U2SURP: variants seen among roughly 807,000 people sequenced by gnomAD.
The protein encoded by U2SURP is U2 snRNP associated SURP domain containing.
U2SURP carries 9 observed loss-of-function variants against 144.9 expected under a neutral mutation model. The observed-to-expected ratio is 0.06, with a 90% CI of 0.04 to 0.11. U2SURP has a LOEUF of 0.11. U2SURP is among the 10% of genes least tolerant of loss of function. The probability of loss-of-function intolerance (pLI) is 1.00; values close to 1 mark genes in which losing one functional copy is unlikely to be tolerated. For synonymous variants in U2SURP, 408 were observed against 396.8 expected (o/e 1.03, Z -0.33); for missense variants, 724 against 1,226.7 (o/e 0.59, Z 6.12).
intron 24 of U2SURP, 84 bp downstream of exon 24, chr3:143,043,360 C>G (rs1370737122): frequency 2.9e-6 from 4 of 1,361,408 alleles, no homozygotes; most frequent in Non-Finnish European, 3.0e-6. Flanking sequence ...TGCATTGTAC[C>G]GTAGTACATA....
Position 143,036,402 on chromosome 3 carries a change from G to A in U2SURP, c.2064+298G>A, listed in dbSNP as rs1401683578. ...AGCAAGTAATAGAGCAATATGTATA[G>A]CATGACTTTATTTTGTTAAAGATAG... is the stretch of plus-strand genomic sequence containing the variant. On this transcript the variant is annotated intron_variant, in intron 20 of 27. Coordinates refer to ENST00000473835, the MANE Select transcript of U2SURP (RefSeq NM_001080415.2). 2.6e-5 allele frequency among the ~76,000 whole-genome samples: 4 copies of A among 152,072 alleles called. No individual in the cohort carries two copies. The East Asian group carries it at 7.7e-4, about 29-fold the overall frequency.
At chr3:143,012,683 T>G (rs1936179943) in intron 3 of U2SURP, among the ~76,000 whole-genome samples, 1 of 152,192 alleles carries the variant, frequency 6.6e-6, no homozygotes, top group African/African-American at 2.4e-5. Flanking sequence ...TTACTGGAAA[T>G]GCACAGATCA....
intron 19 of U2SURP, among the ~76,000 whole-genome samples, chr3:143,035,687 A>G (rs1048785772): frequency 3.9e-5 from 6 of 152,180 alleles, no homozygotes; most frequent in Non-Finnish European, 5.9e-5. Flanking sequence ...TGTTTCTGGA[A>G]TGTGGCTCAT....
In U2SURP at chr3:143,021,571, A is replaced by T; in HGVS notation, c.852+16A>T. ...TAATCCACAGGTAATATTAAGTAAG[A>T]TGAATGTTGATTGATATGCTTTATG... On this transcript the variant is annotated intron_variant, in intron 10 of 27. Transcript: ENST00000473835. 1 of 1,598,934 alleles carries T rather than the reference A, an allele frequency of 6.3e-7. No individual in the cohort carries two copies. Among genetic ancestry groups the T allele is most frequent in the South Asian group, 1.1e-5 (1 of 89,682 alleles).
chr3:143,035,203 TATAA>T (rs903556485), intron 19 of U2SURP, among the ~76,000 whole-genome samples: 1 of 152,222 alleles, frequency 6.6e-6, no homozygotes, highest in African/African-American at 2.4e-5. Context: ...GTTTAAAAAT[TATAA>T]ATGTTAGTCT....
rs1933720942 is a variant in U2SURP, at chr3:143,034,807, G to T, written c.1854-81G>T. The T allele has an allele frequency of 1.1e-5, 9 of 825,130 alleles. No individual in the cohort carries two copies. In the South Asian group the frequency reaches 1.5e-4, roughly 13 times the overall value. 51.1% of individuals were successfully genotyped at this position (825,130 alleles called of 1,614,324 possible). Reference sequence around the variant, plus strand: ...ATTTGTAAGTATTTTAAGTTCAGGAGGGGTTTTCATTGGCTGGCATGCTAA... The same window carrying T: ...ATTTGTAAGTATTTTAAGTTCAGGATGGGTTTTCATTGGCTGGCATGCTAA... On this transcript the variant is annotated intron_variant, in intron 18 of 27. Coordinates refer to ENST00000473835, the MANE Select transcript of U2SURP (RefSeq NM_001080415.2).
chr3:143,002,005 G>T (rs1419192917), intron 1 of U2SURP, among the ~76,000 whole-genome samples: 1 of 152,218 alleles, frequency 6.6e-6, no homozygotes, highest in Non-Finnish European at 1.5e-5. Context: ...GCGCCCTGAG[G>T]CCGCCAGACA....
intron 4 of U2SURP, among the ~76,000 whole-genome samples, chr3:143,015,352 T>G (rs1936316405): frequency 6.6e-6 from 1 of 152,140 alleles, no homozygotes; most frequent in Non-Finnish European, 1.5e-5. Context: ...TGTCTTTTTA[T>G]TTTGCTGCTG....
intron 22 of U2SURP, 55 bp downstream of exon 22, chr3:143,038,258 T>C: frequency 1.6e-6 from 2 of 1,287,682 alleles, no homozygotes; most frequent in Admixed American, 2.4e-5. Flanking sequence ...CGTTAATTAT[T>C]GGTGTGCTTG....
chr3:143,005,655 A>G (rs1274736687), intron 1 of U2SURP, among the ~76,000 whole-genome samples: 2 of 152,084 alleles, frequency 1.3e-5, no homozygotes, highest in East Asian at 1.9e-4. Context: ...AATAATTCCT[A>G]TCTTTCTGGA....
chr3:143,024,592 T>C (rs1933025773), intron 13 of U2SURP: 1 of 405,458 alleles, frequency 2.5e-6, no homozygotes, highest in African/African-American at 2.1e-5. Flanking sequence ...TTTTTTCTCT[T>C]TCAACACACT....
intron 16 of U2SURP, among the ~76,000 whole-genome samples, chr3:143,030,175 C>T (rs181029774): frequency 6.6e-6 from 1 of 152,150 alleles, no homozygotes; most frequent in Non-Finnish European, 1.5e-5. Flanking sequence ...ACAAAGCAGC[C>T]TTTTATTGTA....
chr3:143,047,212 C>A (rs1934541451), intron 24 of U2SURP, among the ~76,000 whole-genome samples: 1 of 87,968 alleles, frequency 1.1e-5, no homozygotes, highest in Non-Finnish European at 2.1e-5. Flanking sequence ...GGCGGCCGGC[C>A]AGGCGGGGGG....
At position 143,060,063 on chromosome 3, in the gene U2SURP, A is replaced by G. The variant is rs1164033509; in HGVS notation, c.*3613A>G. On this transcript the variant is annotated 3_prime_UTR_variant, in exon 28 of 28. Coordinates refer to ENST00000473835, the MANE Select transcript of U2SURP (RefSeq NM_001080415.2). ...CCGTGAGCCTTGTTCCATTGTTGAA[A>G]ATTTGATGCCTCAGTGTTTATTCAG... The G allele has an allele frequency of 6.6e-6, 1 of 152,426 alleles. No individual in the cohort carries two copies. Among genetic ancestry groups the G allele is most frequent in the Non-Finnish European group, 1.5e-5 (1 of 67,884 alleles). The allele number at this position is 152,426 out of a possible 1,614,324, so 9.4% of individuals were successfully genotyped here. A position where few individuals can be genotyped will look rare whatever the true frequency, so the allele number is the denominator to read the frequency against.
intron 6 of U2SURP, among the ~76,000 whole-genome samples, chr3:143,018,943 C>G (rs569673392): frequency 9.9e-5 from 15 of 152,198 alleles, no homozygotes; most frequent in African/African-American, 3.6e-4. Flanking sequence ...AACAAACAAA[C>G]AAACAAAACT....
chr3:143,044,068 C>T (rs9877128), intron 24 of U2SURP, among the ~76,000 whole-genome samples: 105,829 of 151,528 alleles, frequency 0.7, 37,456 homozygotes, highest in African/African-American at 0.84. Flanking sequence ...TCCATTTCAT[C>T]TTGAGTGTTC....
chr3:143,029,846 C>T (rs1350051978), intron 16 of U2SURP, among the ~76,000 whole-genome samples: 2 of 152,138 alleles, frequency 1.3e-5, no homozygotes, highest in Non-Finnish European at 2.9e-5. Context: ...GATGAGGAAG[C>T]AAAATAGCCT....
chr3:143,015,604 G>T (rs538470121), intron 4 of U2SURP, among the ~76,000 whole-genome samples: 157 of 152,040 alleles, frequency 1.0e-3, no homozygotes, highest in African/African-American at 3.6e-3. Flanking sequence ...AGTTATCCTA[G>T]TATCATTTAT....
At chr3:143,001,975 C>T (rs745332799) in intron 1 of U2SURP, among the ~76,000 whole-genome samples, 7 of 152,250 alleles carry the variant, frequency 4.6e-5, no homozygotes, top group African/African-American at 1.7e-4. Flanking sequence ...TGAAAACGCT[C>T]TCCTGTATCT....
Sources: allele counts gnomAD v4.1 joint callset (sites outside exome capture counted in the v4.1 genomes callset), GRCh38; gene constraint gnomAD v4.1.1; transcripts MANE v1.5; gene names NCBI Gene and HGNC (gene_info 2026-07-23, HGNC 2026-07-21).